The following SEC23A variants were observed in gnomAD, a reference collection of about 807,000 sequenced individuals.
SEC23A encodes protein transport protein Sec23A.
A neutral mutation model predicts 103.7 loss-of-function variants in SEC23A; 56 were observed. The ratio of observed to expected loss-of-function variants is 0.54; its 90% CI spans 0.44 to 0.67. The LOEUF (loss-of-function observed/expected upper bound fraction) is 0.67, where lower values mean the gene tolerates loss of function less well. SEC23A is among the 30% of genes least tolerant of loss of function. The pLI is 0.00. For missense variants in SEC23A, 784 were observed against 936.4 expected (o/e 0.84, Z 2.12); for synonymous variants, 281 against 293.0 (o/e 0.96, Z 0.42).
At chr14:39,057,739 T>G (rs1378243209) in intron 13 of SEC23A, among the ~76,000 whole-genome samples, 1 of 152,226 alleles carries the variant, frequency 6.6e-6, no homozygotes. Context: ...CAAGTCCCTA[T>G]ATCCAACTTT....
At chr14:39,081,513 T>C (rs909787382) in intron 7 of SEC23A, among the ~76,000 whole-genome samples, 15 of 152,220 alleles carry the variant, frequency 9.9e-5, no homozygotes, top group African/African-American at 3.4e-4. Context: ...TTGTACTATA[T>C]ATTCTCAGAA....
At chr14:39,038,625 A>T (rs1297348318) in intron 19 of SEC23A, among the ~76,000 whole-genome samples, 1 of 152,134 alleles carries the variant, frequency 6.6e-6, no homozygotes, top group Non-Finnish European at 1.5e-5. Flanking sequence ...GATTACAGGC[A>T]TGAGCCACCA....
chr14:39,062,348 A>G (rs1170331552), intron 12 of SEC23A, among the ~76,000 whole-genome samples: 1 of 152,166 alleles, frequency 6.6e-6, no homozygotes, highest in East Asian at 1.9e-4. Context: ...AATGCTCTCC[A>G]ATGAGCATTT....
chr14:39,091,232 A>G, intron 5 of SEC23A: 2 of 522,594 alleles, frequency 3.8e-6, no homozygotes, highest in South Asian at 4.6e-5. Flanking sequence ...ATCTCTAGTA[A>G]AATACTGTTG....
At chr14:39,042,050 G>C (rs1171165274) in intron 17 of SEC23A, among the ~76,000 whole-genome samples, 1 of 152,166 alleles carries the variant, frequency 6.6e-6, no homozygotes, top group Non-Finnish European at 1.5e-5. Flanking sequence ...GCCTCCCAAA[G>C]TGCTGGAATT....
chr14:39,091,156 A>G (rs1014713550), intron 5 of SEC23A: 5 of 389,410 alleles, frequency 1.3e-5, no homozygotes, highest in Non-Finnish European at 2.3e-5. Flanking sequence ...AAAAAAAAAG[A>G]AACAAGCTAA....
chr14:39,040,552 A>T (rs1408568110), intron 18 of SEC23A, 180 bp downstream of exon 18: 2 of 707,164 alleles, frequency 2.8e-6, no homozygotes, highest in African/African-American at 3.5e-5. Context: ...ACTAGTCAAT[A>T]ATCTTACTGT....
chr14:39,086,664 C>T (rs1887455653), intron 6 of SEC23A, among the ~76,000 whole-genome samples: 1 of 152,060 alleles, frequency 6.6e-6, no homozygotes, highest in South Asian at 2.1e-4. Flanking sequence ...CCTAAAACCA[C>T]ACAAAAACAA....
intron 9 of SEC23A, among the ~76,000 whole-genome samples, chr14:39,068,088 ACT>A (rs1171209032): frequency 6.6e-6 from 1 of 152,212 alleles, no homozygotes; most frequent in Non-Finnish European, 1.5e-5. Flanking sequence ...GAGTATTTTC[ACT>A]TTTTGCACTT....
At position 39,045,161 on chromosome 14, in the gene SEC23A, A is replaced by C; in HGVS notation, c.1899+2T>G. On this transcript the variant is annotated splice_donor_variant, in intron 16 of 19. Transcript: ENST00000307712. LOFTEE classifies it high-confidence loss of function. ...CAATTTATTTTTTTCTGTCCCTCTT[A>C]CCTCTGGTGGTCCACTAAAAGAATA... The C allele has an allele frequency of 6.2e-7, 1 of 1,613,098 alleles. No homozygotes were observed. Among genetic ancestry groups the C allele is most frequent in the Non-Finnish European group, 8.5e-7 (1 of 1,179,466 alleles).
At chr14:39,085,303 G>A (rs917654199) in intron 7 of SEC23A, among the ~76,000 whole-genome samples, 2 of 152,166 alleles carry the variant, frequency 1.3e-5, no homozygotes, top group Non-Finnish European at 2.9e-5. Flanking sequence ...TTCATCTATA[G>A]TCTTCGTAAT....
At chr14:39,077,758 T>A (rs899073323) in intron 7 of SEC23A, among the ~76,000 whole-genome samples, 7 of 151,552 alleles carry the variant, frequency 4.6e-5, no homozygotes, top group Non-Finnish European at 8.8e-5. Context: ...GGCAAAACCC[T>A]GTCTCTACTT....
Position 39,063,357 on chromosome 14 carries a change from T to C in SEC23A, c.1365A>G (p.Thr455=). ...QWKICGLSPT[T]TLAIYFEVVN... is the part of the protein sequence containing the mutation. ...CAACCTCAAAATATATGGCTAAGGTTGTAGTGGGACTAAGTCCACATATCT... is the reference window on the plus strand; with the variant it reads ...CAACCTCAAAATATATGGCTAAGGTCGTAGTGGGACTAAGTCCACATATCT... The change falls in exon 12 of 20, where the codon ACA becomes ACG. Residue 455 remains threonine, a synonymous_variant. Coordinates refer to ENST00000307712, the MANE Select transcript of SEC23A (RefSeq NM_006364.4). 1 of 1,612,508 alleles carries C rather than the reference T, an allele frequency of 6.2e-7. No homozygotes were observed.
rs1177880919 is a variant in SEC23A at position 39,091,522 on chromosome 14, G to A, written c.558C>T (p.Ser186=). 6.2e-7 allele frequency: 1 copy of A among 1,613,830 alleles called. No individual in the cohort carries two copies. Among genetic ancestry groups the A allele is most frequent in the East Asian group, 2.2e-5 (1 of 44,854 alleles). Residue 186 remains serine (S), a synonymous_variant, in exon 5 of 20, where the codon AGC becomes AGT. Transcript: ENST00000307712. The part of the protein sequence containing the change: ...HELGCEGISK[S]YVFRGTKDLS... ...AATCTTTTGTTCCTCTGAAGACATAGCTTTTTGAAATGCCTTCACATCCAA... is the reference window on the plus strand; with the variant it reads ...AATCTTTTGTTCCTCTGAAGACATAACTTTTTGAAATGCCTTCACATCCAA...
intron 7 of SEC23A, among the ~76,000 whole-genome samples, chr14:39,080,957 A>C (rs997803803): frequency 3.9e-5 from 6 of 152,188 alleles, no homozygotes; most frequent in African/African-American, 1.4e-4. Context: ...CAGCCTTCTC[A>C]AAAAACATCA....
intron 13 of SEC23A, among the ~76,000 whole-genome samples, chr14:39,060,481 C>A (rs988400803): frequency 3.3e-5 from 5 of 152,126 alleles, no homozygotes; most frequent in African/African-American, 1.2e-4. Flanking sequence ...TGTCCATTGT[C>A]GAGACCATGA....
chr14:39,073,731 T>C (rs1482935559), intron 9 of SEC23A, among the ~76,000 whole-genome samples: 1 of 144,714 alleles, frequency 6.9e-6, no homozygotes, highest in Non-Finnish European at 1.5e-5. Flanking sequence ...TGCCTCAGCC[T>C]ACCGAGTAGC....
In SEC23A at chr14:39,076,110, C is replaced by T; in HGVS notation, c.829-17G>A. On this transcript the variant is annotated splice_polypyrimidine_tract_variant and intron_variant, in intron 7 of 19. Coordinates refer to ENST00000307712, the MANE Select transcript of SEC23A (RefSeq NM_006364.4). ...AAAAGTACACTATTAAAAAAAAAGT[C>T]AAGAGTTTAAAAGAAAACATATGAA... The T allele has an allele frequency of 3.2e-6, 5 of 1,584,722 alleles. No individual in the cohort carries two copies. Among genetic ancestry groups the T allele is most frequent in the Non-Finnish European group, 4.3e-6 (5 of 1,161,350 alleles).
chr14:39,055,907 C>T (rs957386362), intron 13 of SEC23A, among the ~76,000 whole-genome samples: 2 of 152,204 alleles, frequency 1.3e-5, no homozygotes, highest in Admixed American at 6.5e-5. Flanking sequence ...AGCAGCACAG[C>T]GAAGGTCATG....
Sources: allele counts gnomAD v4.1 joint callset (sites outside exome capture counted in the v4.1 genomes callset), GRCh38; gene constraint gnomAD v4.1.1; transcripts MANE v1.5; gene names NCBI Gene and HGNC (gene_info 2026-07-23, HGNC 2026-07-21).